FBXO34: variants seen among roughly 807,000 people sequenced by gnomAD.
FBXO34 encodes the protein F-box protein 34.
FBXO34 carries 12 observed loss-of-function variants against 24.5 expected under a neutral mutation model. That is an observed-to-expected ratio of 0.49 (90% CI 0.31 to 0.79). FBXO34 has a LOEUF of 0.79. Among genes scored for constraint, FBXO34 ranks in the 30% least tolerant of loss-of-function variants. The probability of loss-of-function intolerance (pLI) is 0.04; values close to 1 mark genes in which losing one functional copy is unlikely to be tolerated. For synonymous variants in FBXO34, 320 were observed against 311.9 expected (o/e 1.03, Z -0.27); for missense variants, 823 against 857.7 (o/e 0.96, Z 0.51).
chr14:55,275,836 A>C (rs1881320859), intron 1 of FBXO34, among the ~76,000 whole-genome samples: 1 of 151,100 alleles, frequency 6.6e-6, no homozygotes, highest in Admixed American at 6.6e-5. Flanking sequence ...AAAAAAAAAA[A>C]AAAAACGAGG....
the FBXO34 span, among the ~76,000 whole-genome samples, chr14:55,396,236 C>T: frequency 6.6e-6 from 1 of 152,194 alleles, no homozygotes; most frequent in African/African-American, 2.4e-5. Flanking sequence ...CAGTCTTAGC[C>T]TTTGTCCTCA....
In FBXO34 at chr14:55,337,094, C is replaced by T. The variant is rs560058894; in HGVS notation, c.-10-13287C>T. On this transcript the variant is annotated intron_variant, in intron 1 of 1. Transcript: ENST00000313833. The stretch of plus-strand genomic sequence containing the variant: ...GGACTCGAGATCCTCTTGCCTTAGC[C>T]TCCTGAGTAGCTGGGACCACAGATG... Among the ~76,000 whole-genome samples the T allele has an allele frequency of 3.6e-4, 55 of 151,888 alleles. 1 individual carries two copies. In the South Asian group the frequency reaches 0.011, roughly 29 times the overall value.
chr14:55,429,567 C>T, the FBXO34 span, among the ~76,000 whole-genome samples: 1 of 151,988 alleles, frequency 6.6e-6, no homozygotes, highest in Non-Finnish European at 1.5e-5. Flanking sequence ...AGCTCGAGAC[C>T]GGCCTGGCCA....
chr14:55,425,166 G>A, the FBXO34 span, among the ~76,000 whole-genome samples: 56 of 152,332 alleles, frequency 3.7e-4, no homozygotes, highest in South Asian at 0.011. Flanking sequence ...ATCTTGAAGT[G>A]AGTCTTGCCC....
At position 55,276,383 on chromosome 14, in the gene FBXO34, A is replaced by G. The variant is rs542592837; in HGVS notation, c.-11+4846A>G. Among the ~76,000 whole-genome samples, 13 of 152,308 alleles carry G rather than the reference A, an allele frequency of 8.5e-5. No homozygotes were observed. The East Asian group carries it at 9.6e-4, about 11-fold the overall frequency. Reference sequence around the variant, plus strand: ...GGTGTATTTGCTTTATTGCCTATCTATCGGTCTATCCATTCATCAATCCTT... The same window carrying G: ...GGTGTATTTGCTTTATTGCCTATCTGTCGGTCTATCCATTCATCAATCCTT... On this transcript the variant is annotated intron_variant, in intron 1 of 1. Transcript: ENST00000313833.
downstream of FBXO34, among the ~76,000 whole-genome samples, chr14:55,371,344 C>T (rs1884812347): frequency 6.6e-6 from 1 of 152,200 alleles, no homozygotes; most frequent in South Asian, 2.1e-4. Context: ...TCACTTTTTA[C>T]AGAAGCAAGC....
chr14:55,393,850 C>T, the FBXO34 span, among the ~76,000 whole-genome samples: 4 of 151,574 alleles, frequency 2.6e-5, no homozygotes, highest in African/African-American at 7.3e-5. Context: ...ACACCCAGCG[C>T]AGATTTTATA....
intron 1 of FBXO34, among the ~76,000 whole-genome samples, chr14:55,343,886 A>G (rs1458133746): frequency 6.6e-6 from 1 of 152,232 alleles, no homozygotes. Flanking sequence ...TTTTTTAAAA[A>G]GGAAAGTTTA....
At chr14:55,371,672 C>G (rs1166227310), downstream of FBXO34, among the ~76,000 whole-genome samples, 1 of 152,088 alleles carries the variant, frequency 6.6e-6, no homozygotes, top group African/African-American at 2.4e-5. Context: ...GGTGTGATGG[C>G]GGGCACCTGT....
At chr14:55,291,759 C>T (rs1881951832) in intron 1 of FBXO34, among the ~76,000 whole-genome samples, 1 of 151,872 alleles carries the variant, frequency 6.6e-6, no homozygotes, top group Non-Finnish European at 1.5e-5. Context: ...TTGCTTGAGC[C>T]CAGAAGTTTG....
intron 1 of FBXO34, among the ~76,000 whole-genome samples, chr14:55,346,861 A>C (rs1279380035): frequency 1.3e-5 from 2 of 152,234 alleles, no homozygotes; most frequent in Non-Finnish European, 2.9e-5. Flanking sequence ...GAGATGCTTC[A>C]GTATGGACTG....
the FBXO34 span, among the ~76,000 whole-genome samples, chr14:55,379,316 G>T: frequency 1.3e-5 from 2 of 151,890 alleles, no homozygotes; most frequent in African/African-American, 4.8e-5. Flanking sequence ...AGGGCGGATC[G>T]CTTGAGCCCA....
At position 55,351,753 on chromosome 14, in the gene FBXO34, T is replaced by C. The variant is rs761652829; in HGVS notation, c.1363T>C (p.Cys455Arg). The C allele has an allele frequency of 2.5e-6, 4 of 1,614,098 alleles. No homozygotes were observed. The highest frequency in any genetic ancestry group is 3.4e-6 in the Non-Finnish European group (4 of 1,180,046). ...TCCTGATCAAAGAAAAGAATCTTTG[T>C]GCATTAGTATCACTGTGTCCAAGGT... ...RNPDQRKESL[C>R]ISITVSKVDK... The change falls in exon 2 of 2, where the codon TGC becomes CGC. Residue 455 changes from cysteine (C) to arginine (R), a missense_variant. This residue lies in a region of FBXO34 where 693 missense variants were observed against 659.1 expected (regional missense o/e 1.05). Coordinates refer to ENST00000313833, the MANE Select transcript of FBXO34 (RefSeq NM_017943.4).
At chr14:55,397,311 A>T in the FBXO34 span, 1 of 1,402,156 alleles carries the variant, frequency 7.1e-7, no homozygotes, top group Non-Finnish European at 1.0e-6. Context: ...CACAGCACTG[A>T]ATTCAACCAA....
In FBXO34 at chr14:55,298,205, G is replaced by T. The variant is rs973391563; in HGVS notation, c.-11+26668G>T. Among the ~76,000 whole-genome samples, 29 of 146,318 alleles carry T rather than the reference G, an allele frequency of 2.0e-4. No homozygotes were observed. In the South Asian group the frequency reaches 3.7e-3, roughly 19 times the overall value. ...TGTAAACTTTCTTAAAACACTGTGA[G>T]TTTTTTTTTTTGCGTTTTTTTTTAA... On this transcript the variant is annotated intron_variant, in intron 1 of 1. Coordinates refer to ENST00000313833, the MANE Select transcript of FBXO34 (RefSeq NM_017943.4).
At chr14:55,435,300 C>T in the FBXO34 span, among the ~76,000 whole-genome samples, 11 of 141,768 alleles carry the variant, frequency 7.8e-5, no homozygotes, top group African/African-American at 2.7e-4. Flanking sequence ...TTTTTGGAGA[C>T]GGAGTCTCGC....
chr14:55,436,570 G>A, the FBXO34 span: 1 of 1,613,516 alleles, frequency 6.2e-7, no homozygotes, highest in Non-Finnish European at 8.5e-7. Context: ...CTGTAGTTGA[G>A]GTACAATTCC....
intron 1 of FBXO34, among the ~76,000 whole-genome samples, chr14:55,305,665 CAA>C (rs911131291): frequency 1.2e-4 from 9 of 76,992 alleles, no homozygotes; most frequent in Admixed American, 1.5e-4. Flanking sequence ...CTGCACTCCT[CAA>C]AAAAAAAAAA....
chr14:55,436,988 A>G, the FBXO34 span: 2 of 1,614,054 alleles, frequency 1.2e-6, no homozygotes, highest in Non-Finnish European at 1.7e-6. Flanking sequence ...ACTGGGCTGA[A>G]CAGGGGAGAC....
Sources: gnomAD v4.1 joint callset for allele counts (sites outside exome capture counted in the v4.1 genomes callset) on GRCh38, gnomAD v4.1.1 for gene constraint, gnomAD v4.1.1 regional missense constraint, MANE v1.5 for transcripts, NCBI Gene and HGNC (gene_info 2026-07-23, HGNC 2026-07-21) for gene names.